The following LCORL variants were observed in gnomAD, a reference collection of about 807,000 sequenced individuals.
LCORL encodes the protein ligand-dependent nuclear receptor corepressor-like protein.
LCORL carries 41 observed loss-of-function variants against 141.8 expected under a neutral mutation model. The ratio of observed to expected loss-of-function variants is 0.29; its 90% confidence interval spans 0.23 to 0.38. LCORL has a LOEUF of 0.38. LCORL is among the 10% of genes least tolerant of loss of function. The probability of loss-of-function intolerance (pLI) is 1.00; values close to 1 mark genes in which losing one functional copy is unlikely to be tolerated. For missense variants in LCORL, 1,759 were observed against 2,035.0 expected, an observed-to-expected ratio of 0.86 and a Z score of 2.61; for synonymous variants, 618 against 694.1, an observed-to-expected ratio of 0.89 and a Z score of 1.72.
At chr4:17,841,460 T>G (rs1183736482) in exon 8 of LCORL, 1 of 151,992 alleles carries the variant, frequency 6.6e-6, no homozygotes, top group Non-Finnish European at 1.5e-5. Flanking sequence ...TTGTTCCAAA[T>G]TAGTCCCATA....
Position 17,884,843 on chromosome 4 carries a change from C to T in LCORL, c.776+1225G>A. The T allele has an allele frequency of 1.6e-6, 1 of 630,496 alleles. No individual in the cohort carries two copies. Among genetic ancestry groups the T allele is most frequent in the Non-Finnish European group, 2.6e-6 (1 of 390,602 alleles). 39.1% of individuals were successfully genotyped at this position (630,496 alleles called of 1,614,324 possible). On this transcript the variant is annotated intron_variant, in intron 6 of 7. Transcript: ENST00000635767. The surrounding 1 kb of genome is among the most constrained non-coding windows in gnomAD (Gnocchi z 4.4). ...GGAGGGTCCACTCCTTTATTATACT[C>T]CTTGCTTAGGTAACATCACTGCTTA... is the stretch of plus-strand genomic sequence containing the variant.
At chr4:17,993,424 T>C (rs34358941) in intron 1 of LCORL, among the ~76,000 whole-genome samples, 37,003 of 151,878 alleles carry the variant, frequency 0.24, 5,867 homozygotes, top group African/African-American at 0.45. Flanking sequence ...AGGCTGGTCT[T>C]GAACTCCTGA....
At chr4:18,009,868 G>C (rs1723417822) in intron 1 of LCORL, among the ~76,000 whole-genome samples, 1 of 152,026 alleles carries the variant, frequency 6.6e-6, no homozygotes, top group Admixed American at 6.6e-5. Flanking sequence ...CACCCTATAA[G>C]GTTCTGAGAT....
At chr4:17,945,825 A>G (rs1738786347) in intron 4 of LCORL, among the ~76,000 whole-genome samples, 1 of 151,940 alleles carries the variant, frequency 6.6e-6, no homozygotes, top group African/African-American at 2.4e-5. Flanking sequence ...AAAAAAAACT[A>G]GGCAAAATAA....
At chr4:17,843,447 C>A (rs764161445) in exon 8 of LCORL, 8 of 1,608,048 alleles carry the variant, frequency 5.0e-6, no homozygotes, top group Non-Finnish European at 5.1e-6. Context: ...GAGGTGGAAT[C>A]CTTTAAGATT....
chr4:17,986,065 T>C (rs1718909550), intron 1 of LCORL, among the ~76,000 whole-genome samples: 4 of 152,216 alleles, frequency 2.6e-5, no homozygotes, highest in Admixed American at 2.6e-4. Flanking sequence ...AATATTGTTA[T>C]TTAAGAATGT....
rs373529016 is a variant in LCORL, at chr4:17,997,120, AAC to A, written c.155-24237_155-24236del. Among the ~76,000 whole-genome samples the A allele has an allele frequency of 1.8e-4, 27 of 152,252 alleles. No homozygotes were observed. In the South Asian group the frequency reaches 3.5e-3, roughly 20 times the overall value. ...TGTCCTGTCTTCCAAACTAAACTAA[AAC>A]AGTTTCTTCTAGTTTTATCACAAAC... On this transcript the variant is annotated intron_variant, in intron 1 of 7. Coordinates refer to ENST00000635767, the Ensembl canonical transcript of LCORL.
chr4:17,999,453 C>CAAA (rs1311925734), intron 1 of LCORL, among the ~76,000 whole-genome samples: 1 of 105,516 alleles, frequency 9.5e-6, no homozygotes, highest in African/African-American at 3.5e-5. Context: ...CTCCGTCTCA[C>CAAA]AAAAAAAAAA....
At chr4:17,858,918 G>GA (rs1405543509) in intron 7 of LCORL, among the ~76,000 whole-genome samples, 1 of 152,070 alleles carries the variant, frequency 6.6e-6, no homozygotes, top group African/African-American at 2.4e-5. Flanking sequence ...GCATCTGGTG[G>GA]AAAAAAGAAC....
chr4:17,892,253 G>C (rs1038067082), intron 5 of LCORL, among the ~76,000 whole-genome samples: 7 of 141,854 alleles, frequency 4.9e-5, no homozygotes, highest in African/African-American at 1.9e-4. Context: ...CTGTTGCCCA[G>C]GCTGGAGTGC....
intron 1 of LCORL, among the ~76,000 whole-genome samples, chr4:18,004,180 CTATA>C (rs1005802905): frequency 6.6e-6 from 1 of 152,196 alleles, no homozygotes; most frequent in African/African-American, 2.4e-5. Context: ...CGATTTCAGT[CTATA>C]TATACTGACT....
At chr4:17,906,688 CTTTT>C (rs36083281) in intron 5 of LCORL, among the ~76,000 whole-genome samples, 3 of 134,002 alleles carry the variant, frequency 2.2e-5, no homozygotes, top group African/African-American at 2.8e-5. Flanking sequence ...TTTAAAATGC[CTTTT>C]TTTTTTTTTT....
chr4:17,984,561 G>A (rs181574828), intron 1 of LCORL, among the ~76,000 whole-genome samples: 34 of 152,148 alleles, frequency 2.2e-4, no homozygotes, highest in Admixed American at 1.9e-3. Flanking sequence ...TATGAATAGG[G>A]ATGTTTGTAG....
At chr4:17,858,194 G>A (rs1343333118) in intron 7 of LCORL, among the ~76,000 whole-genome samples, 11 of 152,000 alleles carry the variant, frequency 7.2e-5, no homozygotes, top group Admixed American at 6.6e-4. Context: ...AACTTCCAGA[G>A]TTGACATACC....
chr4:17,957,199 A>G (rs1472103600), intron 4 of LCORL, among the ~76,000 whole-genome samples: 1 of 152,022 alleles, frequency 6.6e-6, no homozygotes, highest in Non-Finnish European at 1.5e-5. Context: ...AGCCTGGTAG[A>G]GACAAAAATG....
chr4:17,890,278 T>C (rs1179488721), intron 5 of LCORL, among the ~76,000 whole-genome samples: 1 of 152,090 alleles, frequency 6.6e-6, no homozygotes, highest in Non-Finnish European at 1.5e-5. Flanking sequence ...TTTTGGTGAA[T>C]AAGTAAACTT....
intron 2 of LCORL, among the ~76,000 whole-genome samples, chr4:17,971,043 C>T (rs919123259): frequency 1.3e-5 from 2 of 152,010 alleles, no homozygotes. Flanking sequence ...AGCCATAGAC[C>T]TCCCTTTCCA....
At chr4:17,867,460 T>A (rs964028032) in intron 7 of LCORL, among the ~76,000 whole-genome samples, 1 of 152,164 alleles carries the variant, frequency 6.6e-6, no homozygotes, top group Non-Finnish European at 1.5e-5. Context: ...ATGGCAGTGT[T>A]CCAATAAAAC....
intron 5 of LCORL, among the ~76,000 whole-genome samples, chr4:17,896,476 GT>G (rs1370023233): frequency 1.3e-5 from 2 of 152,122 alleles, no homozygotes; most frequent in Non-Finnish European, 2.9e-5. Context: ...TAGAGACAGG[GT>G]TTCACTGTTA....
Sources: gnomAD v4.1 joint callset for allele counts (sites outside exome capture counted in the v4.1 genomes callset) on GRCh38, gnomAD v4.1.1 for gene constraint, Gnocchi (gnomAD v3.1) non-coding constraint, MANE v1.5 for transcripts, NCBI Gene and HGNC (gene_info 2026-07-23, HGNC 2026-07-21) for gene names.